Variants in APBA1 observed in about 807,000 individuals in gnomAD.
APBA1 encodes the protein amyloid beta precursor protein binding family A member 1, also known as amyloid-beta A4 precursor protein-binding family A member 1.
APBA1 carries 55 observed loss-of-function variants against 86.6 expected under a neutral mutation model. The ratio of observed to expected loss-of-function variants is 0.64; its 90% CI spans 0.51 to 0.80. APBA1 has a LOEUF of 0.80. APBA1 is among the 30% of genes least tolerant of loss of function. APBA1 has a pLI of 0.00. For missense variants in APBA1, 1,090 were observed against 1,183.0 expected, an observed-to-expected ratio of 0.92 and a Z score of 1.15; for synonymous variants, 511 against 493.9, an observed-to-expected ratio of 1.03 and a Z score of -0.46.
chr9:69,646,238 C>CATTA (rs1228844611), intron 1 of APBA1, among the ~76,000 whole-genome samples: 1 of 152,078 alleles, frequency 6.6e-6, no homozygotes, highest in Non-Finnish European at 1.5e-5. Flanking sequence ...TGTTAACAGC[C>CATTA]ATTATCTTGG....
chr9:69,495,335 T>C (rs573190069), intron 2 of APBA1, among the ~76,000 whole-genome samples: 3 of 152,292 alleles, frequency 2.0e-5, no homozygotes, highest in Non-Finnish European at 4.4e-5. Flanking sequence ...AGGATCCACC[T>C]ACCTCTCCTT....
chr9:69,482,926 G>T (rs188420456), intron 2 of APBA1, among the ~76,000 whole-genome samples: 1 of 136,852 alleles, frequency 7.3e-6, no homozygotes, highest in African/African-American at 2.7e-5. Flanking sequence ...CAATGAGATC[G>T]CATGGACACA....
intron 1 of APBA1, among the ~76,000 whole-genome samples, chr9:69,527,890 G>T (rs549468595): frequency 9.3e-4 from 141 of 152,076 alleles, no homozygotes; most frequent in African/African-American, 3.3e-3. Context: ...TACCTTAAAG[G>T]GTATCATCCA....
intron 1 of APBA1, among the ~76,000 whole-genome samples, chr9:69,599,961 G>A (rs926210609): frequency 2.6e-5 from 4 of 152,272 alleles, no homozygotes; most frequent in East Asian, 1.9e-4. Flanking sequence ...GCCCGGTAGC[G>A]TTTCTGCAAA....
chr9:69,577,773 A>C (rs1821832686), intron 1 of APBA1, among the ~76,000 whole-genome samples: 1 of 152,180 alleles, frequency 6.6e-6, no homozygotes, highest in Non-Finnish European at 1.5e-5. Context: ...TCATCTGGCT[A>C]ACCAGTCTGA....
At chr9:69,633,405 T>C (rs1246624874) in intron 1 of APBA1, among the ~76,000 whole-genome samples, 3 of 152,180 alleles carry the variant, frequency 2.0e-5, no homozygotes, top group Non-Finnish European at 2.9e-5. Flanking sequence ...ATACTTTCTA[T>C]AAGCAGAAAG....
At chr9:69,528,631 C>A (rs1836378646) in intron 1 of APBA1, among the ~76,000 whole-genome samples, 1 of 151,872 alleles carries the variant, frequency 6.6e-6, no homozygotes, top group African/African-American at 2.4e-5. Flanking sequence ...TGTTACAATC[C>A]CTTTTTTATG....
chr9:69,592,806 AAAAC>A (rs1430934401), intron 1 of APBA1, among the ~76,000 whole-genome samples: 46 of 152,182 alleles, frequency 3.0e-4, no homozygotes, highest in Non-Finnish European at 5.4e-4. Context: ...TTTCTTTATT[AAAAC>A]AAACAAACAA....
chr9:69,473,663 G>A (rs1372098550), intron 3 of APBA1, among the ~76,000 whole-genome samples: 4 of 151,844 alleles, frequency 2.6e-5, no homozygotes, highest in East Asian at 1.9e-4. Flanking sequence ...TTGTGCACAT[G>A]TACCCTAAAA....
At chr9:69,469,942 T>A (rs1410166361) in intron 4 of APBA1, among the ~76,000 whole-genome samples, 2 of 152,192 alleles carry the variant, frequency 1.3e-5, no homozygotes, top group Non-Finnish European at 2.9e-5. Flanking sequence ...ATTAACTACC[T>A]TCTCTACGGG....
chr9:69,589,931 A>G (rs1588381134), intron 1 of APBA1, among the ~76,000 whole-genome samples: 2 of 152,288 alleles, frequency 1.3e-5, no homozygotes, highest in South Asian at 2.1e-4. Flanking sequence ...CTGCTTCTCT[A>G]TGGAGGAGCA....
At chr9:69,618,573 A>G (rs1288257858) in intron 1 of APBA1, among the ~76,000 whole-genome samples, 2 of 152,218 alleles carry the variant, frequency 1.3e-5, no homozygotes, top group South Asian at 2.1e-4. Flanking sequence ...GCGGCCAGTC[A>G]TACTCAACCA....
chr9:69,575,918 G>A (rs1453530550), intron 1 of APBA1, among the ~76,000 whole-genome samples: 1 of 152,074 alleles, frequency 6.6e-6, no homozygotes, highest in Admixed American at 6.6e-5. Context: ...GAGTGAACAG[G>A]CAACCTACAG....
rs576423486 is a variant in APBA1 at position 69,634,436 on chromosome 9, A to G, written c.-70+37717T>C. On this transcript the variant is annotated intron_variant, in intron 1 of 12. Transcript: ENST00000265381. ...GCGGATTAAAGTGTTCTGAGGTCCT[A>G]AATAAACTTGAAGGAATGAAACATG... 2.6e-5 allele frequency among the ~76,000 whole-genome samples: 4 copies of G among 152,316 alleles called. No homozygotes were observed. In the East Asian group the frequency reaches 7.7e-4, roughly 29 times the overall value.
Position 69,516,658 on chromosome 9 carries a change from C to A in APBA1, c.553G>T (p.Glu185Ter). 6.2e-7 allele frequency: 1 copy of A among 1,609,384 alleles called. No individual in the cohort carries two copies. Among genetic ancestry groups the A allele is most frequent in the Admixed American group, 1.7e-5 (1 of 59,778 alleles). ...FHRGEDEPYSEPYADYGGLQE... is the reference protein window; with the variant it reads ...FHRGEDEPYS ...AGGCCGCCGTAGTCGGCATAGGGCT[C>A]GGAGTAGGGCTCGTCCTCACCGCGG... The change falls in exon 2 of 13, where the codon GAG becomes TAG. Residue 185 changes from glutamate to a stop codon, truncating the protein, a stop_gained. Transcript: ENST00000265381. LOFTEE classifies it high-confidence loss of function. The surrounding 1 kb of genome is among the most constrained non-coding windows in gnomAD (Gnocchi z 7.3).
intron 7 of APBA1, 91 bp from the exon 8 acceptor site, chr9:69,456,523 T>G (rs938307112): frequency 4.4e-6 from 6 of 1,361,192 alleles, no homozygotes; most frequent in African/African-American, 1.5e-5. Flanking sequence ...CAAGTATGGT[T>G]CGCATGCAGG....
intron 1 of APBA1, among the ~76,000 whole-genome samples, chr9:69,600,736 T>C (rs1480770505): frequency 6.6e-6 from 1 of 150,724 alleles, no homozygotes; most frequent in Non-Finnish European, 1.5e-5. Flanking sequence ...GAGGTGGAGG[T>C]TGCAGTGAGC....
chr9:69,518,493 C>T (rs1229432361), intron 1 of APBA1, among the ~76,000 whole-genome samples: 1 of 152,062 alleles, frequency 6.6e-6, no homozygotes, highest in Non-Finnish European at 1.5e-5. Flanking sequence ...AAACTTGTAG[C>T]TCGAGAGAAA....
At chr9:69,635,250 TTTCTC>T (rs1176555066) in intron 1 of APBA1, among the ~76,000 whole-genome samples, 13 of 152,266 alleles carry the variant, frequency 8.5e-5, no homozygotes, top group African/African-American at 3.1e-4. Context: ...TGTTATTACT[TTTCTC>T]TTTACTTGTT....
Sources: allele counts gnomAD v4.1 joint callset (sites outside exome capture counted in the v4.1 genomes callset), GRCh38; gene constraint gnomAD v4.1.1; non-coding constraint Gnocchi (gnomAD v3.1); transcripts MANE v1.5; gene names NCBI Gene and HGNC (gene_info 2026-07-23, HGNC 2026-07-21).